SAMD5: variants seen among roughly 807,000 people sequenced by gnomAD.
SAMD5 encodes the protein sterile alpha motif domain containing 5.
In SAMD5, 13 loss-of-function variants were observed where a neutral mutation model predicts 11.3. That is an observed-to-expected ratio of 1.15 (90% CI 0.75 to 1.83). The LOEUF (loss-of-function observed/expected upper bound fraction) is 1.83, where lower values mean the gene tolerates loss of function less well. Ranked by LOEUF, SAMD5 falls within the 40% of genes most tolerant of loss-of-function variation. The pLI, the probability that SAMD5 is intolerant of heterozygous loss-of-function variation, is 0.00. For synonymous variants in SAMD5, 129 were observed against 111.3 expected (o/e 1.16, Z -1.00); for missense variants, 255 against 239.1 (o/e 1.07, Z -0.44).
At chr6:147,843,221 G>A in the SAMD5 span, among the ~76,000 whole-genome samples, 4 of 152,150 alleles carry the variant, frequency 2.6e-5, no homozygotes, top group African/African-American at 4.8e-5. Context: ...TTGATTTCAA[G>A]TATACTCCTA....
At chr6:147,686,300 T>C (rs187902994) in intron 1 of SAMD5, among the ~76,000 whole-genome samples, 1 of 152,340 alleles carries the variant, frequency 6.6e-6, no homozygotes, top group Admixed American at 6.5e-5. Context: ...TATAAAATTC[T>C]TCATTTATAG....
chr6:147,816,859 C>T, the SAMD5 span, among the ~76,000 whole-genome samples: 2 of 151,826 alleles, frequency 1.3e-5, no homozygotes, highest in African/African-American at 4.8e-5. Flanking sequence ...AAGACAGCCT[C>T]GTATGTGCTG....
chr6:147,813,844 A>G, the SAMD5 span, among the ~76,000 whole-genome samples: 1 of 152,222 alleles, frequency 6.6e-6, no homozygotes, highest in African/African-American at 2.4e-5. Context: ...TTGCAGATCC[A>G]TGTCTATATT....
At chr6:147,890,753 G>A in the SAMD5 span, among the ~76,000 whole-genome samples, 1 of 146,342 alleles carries the variant, frequency 6.8e-6, no homozygotes, top group African/African-American at 2.5e-5. Context: ...TATTTGGATA[G>A]TTTTTTTTTT....
chr6:147,665,076 T>C (rs1790699177), intron 1 of SAMD5, among the ~76,000 whole-genome samples: 1 of 152,226 alleles, frequency 6.6e-6, no homozygotes, highest in Non-Finnish European at 1.5e-5. Context: ...ATGTTTCTGA[T>C]AATCAAGATT....
At chr6:147,539,250 C>T (rs985893985) in intron 1 of SAMD5, among the ~76,000 whole-genome samples, 1 of 139,032 alleles carries the variant, frequency 7.2e-6, no homozygotes, top group Non-Finnish European at 1.6e-5. Flanking sequence ...AACTCAAAGC[C>T]CATCAGCCCA....
the SAMD5 span, among the ~76,000 whole-genome samples, chr6:147,788,964 G>C: frequency 6.6e-6 from 1 of 151,830 alleles, no homozygotes; most frequent in Non-Finnish European, 1.5e-5. Flanking sequence ...GGTGCCTGTA[G>C]TCCCAGCTAC....
intron 1 of SAMD5, among the ~76,000 whole-genome samples, chr6:147,672,883 A>G (rs1423629008): frequency 2.6e-5 from 4 of 152,146 alleles, no homozygotes; most frequent in African/African-American, 9.7e-5. Flanking sequence ...TTTTAAACCA[A>G]AAGCCACTAT....
intron 1 of SAMD5, among the ~76,000 whole-genome samples, chr6:147,645,862 T>C (rs965865036): frequency 2.6e-5 from 4 of 152,194 alleles, no homozygotes; most frequent in African/African-American, 9.6e-5. Context: ...GGTGAAACTT[T>C]GCCATCTAAT....
chr6:147,823,072 C>T, the SAMD5 span, among the ~76,000 whole-genome samples: 18 of 152,316 alleles, frequency 1.2e-4, no homozygotes, highest in Non-Finnish European at 1.5e-4. Flanking sequence ...CTGCCTCGGC[C>T]TCCCAAAGTG....
At chr6:147,840,454 A>G in the SAMD5 span, among the ~76,000 whole-genome samples, 1 of 152,250 alleles carries the variant, frequency 6.6e-6, no homozygotes, top group Non-Finnish European at 1.5e-5. Context: ...ATCTGTGAGA[A>G]ACAGGTGTAT....
the SAMD5 span, among the ~76,000 whole-genome samples, chr6:147,862,232 C>A: frequency 6.6e-6 from 1 of 151,834 alleles, no homozygotes; most frequent in African/African-American, 2.4e-5. Flanking sequence ...GCAAGGAGGC[C>A]CTCATTGCCT....
chr6:147,888,552 A>G, the SAMD5 span, among the ~76,000 whole-genome samples: 96 of 147,910 alleles, frequency 6.5e-4, no homozygotes, highest in African/African-American at 2.3e-3. Context: ...ATTTTTGTTC[A>G]TTGGTATGTA....
intron 1 of SAMD5, among the ~76,000 whole-genome samples, chr6:147,535,835 A>T (rs1340377901): frequency 6.6e-6 from 1 of 152,120 alleles, no homozygotes; most frequent in Admixed American, 6.5e-5. Context: ...GATATTTTTT[A>T]TTTACCACAG....
the SAMD5 span, among the ~76,000 whole-genome samples, chr6:147,815,772 G>A: frequency 2.6e-5 from 4 of 152,052 alleles, no homozygotes; most frequent in Non-Finnish European, 5.9e-5. Context: ...TTGGTGGAAT[G>A]AGCCCCCTCC....
At chr6:147,593,357 T>G (rs1373000862) in intron 1 of SAMD5, among the ~76,000 whole-genome samples, 1 of 152,054 alleles carries the variant, frequency 6.6e-6, no homozygotes, top group African/African-American at 2.4e-5. Context: ...ATCAATACAC[T>G]GAAGCAAAAG....
At chr6:147,808,085 G>A in the SAMD5 span, among the ~76,000 whole-genome samples, 1 of 152,230 alleles carries the variant, frequency 6.6e-6, no homozygotes, top group African/African-American at 2.4e-5. Context: ...AGACAAGCTG[G>A]TAGCATCATC....
the SAMD5 span, among the ~76,000 whole-genome samples, chr6:147,884,122 A>T: frequency 6.6e-6 from 1 of 152,132 alleles, no homozygotes; most frequent in Admixed American, 6.6e-5. Context: ...ATCTTGGGAA[A>T]TACACTGGTG....
chr6:147,818,798 T>G, the SAMD5 span, among the ~76,000 whole-genome samples: 46 of 152,206 alleles, frequency 3.0e-4, no homozygotes, highest in African/African-American at 1.0e-3. Flanking sequence ...CAAGAAGGAC[T>G]GTGACACCAG....
Sources: allele counts gnomAD v4.1 joint callset (sites outside exome capture counted in the v4.1 genomes callset), GRCh38; gene constraint gnomAD v4.1.1; transcripts MANE v1.5; gene names NCBI Gene and HGNC (gene_info 2026-07-23, HGNC 2026-07-21).